PDE8A: variants seen among roughly 807,000 people sequenced by gnomAD.
PDE8A encodes the protein phosphodiesterase 8A, also known as high affinity cAMP-specific and IBMX-insensitive 3',5'-cyclic phosphodiesterase 8A.
In PDE8A, 59 loss-of-function variants were observed where a neutral mutation model predicts 105.0. That is an observed-to-expected ratio of 0.56 (90% confidence interval 0.46 to 0.70). PDE8A has a LOEUF of 0.70. Ranked by LOEUF, PDE8A falls within the 30% of genes least tolerant of loss-of-function variation. The pLI is 0.00. For synonymous variants in PDE8A, 355 were observed against 371.9 expected (o/e 0.95, Z 0.52); for missense variants, 1,014 against 1,045.9 (o/e 0.97, Z 0.42).
At chr15:85,131,541 C>G (rs1204212987) in intron 20 of PDE8A, among the ~76,000 whole-genome samples, 2 of 152,192 alleles carry the variant, frequency 1.3e-5, no homozygotes, top group East Asian at 3.8e-4. Context: ...ATAGCTCTAC[C>G]ACCCCACTCC....
At chr15:85,101,742 G>A (rs1348760818) in intron 11 of PDE8A, among the ~76,000 whole-genome samples, 3 of 152,206 alleles carry the variant, frequency 2.0e-5, no homozygotes, top group Non-Finnish European at 4.4e-5. Flanking sequence ...GATGACAGTA[G>A]GAAGAGAGAA....
At chr15:85,066,306 A>G (rs1299727535) in intron 2 of PDE8A, among the ~76,000 whole-genome samples, 1 of 152,130 alleles carries the variant, frequency 6.6e-6, no homozygotes, top group African/African-American at 2.4e-5. Flanking sequence ...CACACCTGCA[A>G]TCCCAGCACT....
intron 1 of PDE8A, among the ~76,000 whole-genome samples, chr15:85,003,060 T>A (rs1019763467): frequency 9.2e-5 from 14 of 152,272 alleles, no homozygotes; most frequent in African/African-American, 3.1e-4. Context: ...AGTTTCCTGA[T>A]TATATTGGTC....
At chr15:85,078,710 G>A (rs1363074213) in intron 5 of PDE8A, among the ~76,000 whole-genome samples, 2 of 152,268 alleles carry the variant, frequency 1.3e-5, no homozygotes, top group Non-Finnish European at 2.9e-5. Context: ...AATGCTAAAG[G>A]ATATACTTCA....
chr15:85,033,525 A>G (rs894125494), intron 1 of PDE8A, among the ~76,000 whole-genome samples: 2 of 152,084 alleles, frequency 1.3e-5, no homozygotes, highest in South Asian at 2.1e-4. Flanking sequence ...GAAGACTTCT[A>G]CTCTCCTGAA....
chr15:84,990,351 A>G (rs1222698690), intron 1 of PDE8A, among the ~76,000 whole-genome samples: 2 of 152,322 alleles, frequency 1.3e-5, no homozygotes, highest in East Asian at 1.9e-4. Flanking sequence ...ACACAATATT[A>G]TAATCACCCC....
upstream of PDE8A, among the ~76,000 whole-genome samples, chr15:84,981,185 G>A (rs2079700902): frequency 6.6e-6 from 1 of 152,358 alleles, no homozygotes; most frequent in African/African-American, 2.4e-5. Flanking sequence ...GTGGCTGTGT[G>A]TCCCTGGGCA....
intron 7 of PDE8A, among the ~76,000 whole-genome samples, chr15:85,090,532 A>G (rs866322210): frequency 1.3e-5 from 2 of 152,294 alleles, no homozygotes; most frequent in South Asian, 2.1e-4. Flanking sequence ...TTCCATACAC[A>G]TCATTTATTC....
intron 1 of PDE8A, among the ~76,000 whole-genome samples, chr15:85,002,767 C>T (rs1390621447): frequency 1.3e-5 from 2 of 152,274 alleles, no homozygotes; most frequent in East Asian, 3.9e-4. Flanking sequence ...TAGGGGCTTT[C>T]CACAAATCAC....
chr15:84,993,133 C>T (rs2142156870), intron 1 of PDE8A, among the ~76,000 whole-genome samples: 1 of 152,242 alleles, frequency 6.6e-6, no homozygotes, highest in South Asian at 2.1e-4. Context: ...TTGTAGAAAA[C>T]TTGAAACATA....
intron 3 of PDE8A, among the ~76,000 whole-genome samples, chr15:85,067,440 A>G (rs968807413): frequency 1.3e-5 from 2 of 152,216 alleles, no homozygotes; most frequent in Non-Finnish European, 2.9e-5. Context: ...TTAAGGGTCA[A>G]AGTGAAACCC....
intron 20 of PDE8A, among the ~76,000 whole-genome samples, chr15:85,127,184 T>C (rs10152707): frequency 1.4e-3 from 216 of 152,246 alleles, no homozygotes; most frequent in African/African-American, 5.0e-3. Flanking sequence ...AGCGACAAAG[T>C]GAGACCCTGT....
At chr15:85,082,225 C>CT (rs34039117) in intron 5 of PDE8A, among the ~76,000 whole-genome samples, 28,526 of 152,098 alleles carry the variant, frequency 0.19, 3,308 homozygotes, top group East Asian at 0.38. Flanking sequence ...CATGTCACCT[C>CT]TGTCAGACCT....
At chr15:85,047,897 A>C (rs561933246) in intron 1 of PDE8A, among the ~76,000 whole-genome samples, 1 of 152,274 alleles carries the variant, frequency 6.6e-6, no homozygotes, top group East Asian at 1.9e-4. Context: ...TTAATATTTA[A>C]ACAATTCATT....
At position 84,982,313 on chromosome 15, in the gene PDE8A, T is replaced by C; in HGVS notation, c.151T>C (p.Leu51=). 1 of 1,343,386 alleles carries C rather than the reference T, an allele frequency of 7.4e-7. No homozygotes were observed. The allele number at this position is 1,343,386 out of a possible 1,614,324, so 83.2% of individuals were successfully genotyped here. The change falls in exon 1 of 22, where the codon TTG becomes CTG. Residue 51 remains leucine (L), a synonymous_variant. Transcript: ENST00000394553. ...ALPRTRGAGL[L]ESELRDGSGK... is the part of the protein sequence containing the mutation. ...GCCCCGGACCCGCGGCGCCGGCCTC[T>C]TGGAGTCGGAGCTTCGCGACGGCAG...
At chr15:84,984,014 C>G (rs777800562) in intron 1 of PDE8A, among the ~76,000 whole-genome samples, 4 of 152,216 alleles carry the variant, frequency 2.6e-5, no homozygotes, top group African/African-American at 9.6e-5. Context: ...AAAATACTTT[C>G]ATCCTTAAAG....
chr15:85,103,705 G>T (rs929315423), intron 11 of PDE8A, among the ~76,000 whole-genome samples: 9 of 152,222 alleles, frequency 5.9e-5, no homozygotes, highest in African/African-American at 2.2e-4. Flanking sequence ...CACTGCCGTA[G>T]GCATGCCATA....
intron 1 of PDE8A, among the ~76,000 whole-genome samples, chr15:85,011,351 C>G (rs774197848): frequency 4.6e-5 from 7 of 152,034 alleles, no homozygotes; most frequent in Non-Finnish European, 7.4e-5. Flanking sequence ...AGGTTTGGAG[C>G]CAGAGAGTAC....
intron 1 of PDE8A, among the ~76,000 whole-genome samples, chr15:85,048,331 A>T (rs753816941): frequency 1.3e-5 from 2 of 152,044 alleles, no homozygotes; most frequent in Non-Finnish European, 2.9e-5. Context: ...ATATTTATAA[A>T]TATTTTCTTT....
Sources: allele counts gnomAD v4.1 joint callset (sites outside exome capture counted in the v4.1 genomes callset), GRCh38; gene constraint gnomAD v4.1.1; transcripts MANE v1.5; gene names NCBI Gene and HGNC (gene_info 2026-07-23, HGNC 2026-07-21).